The following RBPMS2 variants were observed in gnomAD, a reference collection of about 807,000 sequenced individuals.
RBPMS2 encodes the protein RNA-binding protein with multiple splicing 2.
RBPMS2 carries 14 observed loss-of-function variants against 25.7 expected under a neutral mutation model. That is an observed-to-expected ratio of 0.55 (90% CI 0.36 to 0.85). The LOEUF (loss-of-function observed/expected upper bound fraction) is 0.85, where lower values mean the gene tolerates loss of function less well. RBPMS2 is among the 40% of genes least tolerant of loss of function. The probability of loss-of-function intolerance (pLI) is 0.01; values close to 1 mark genes in which losing one functional copy is unlikely to be tolerated. For missense variants in RBPMS2, 252 were observed against 283.4 expected, an observed-to-expected ratio of 0.89 and a Z score of 0.80; for synonymous variants, 127 against 115.6, an observed-to-expected ratio of 1.10 and a Z score of -0.63.
intron 1 of RBPMS2, among the ~76,000 whole-genome samples, chr15:64,771,288 G>A (rs898724857): frequency 2.0e-5 from 3 of 152,192 alleles, no homozygotes; most frequent in South Asian, 2.1e-4. Flanking sequence ...ACCTCGTACC[G>A]TTTAGTTGTC....
chr15:64,767,331 G>A (rs984828830), intron 1 of RBPMS2, among the ~76,000 whole-genome samples: 16 of 152,174 alleles, frequency 1.1e-4, no homozygotes, highest in Admixed American at 7.2e-4. Flanking sequence ...TGCCAGAGGC[G>A]TGTGGATCCT....
chr15:64,765,662 T>C (rs1008430792), intron 1 of RBPMS2, among the ~76,000 whole-genome samples: 90 of 151,812 alleles, frequency 5.9e-4, no homozygotes, highest in African/African-American at 2.1e-3. Flanking sequence ...TCTTCAAAAA[T>C]GGGCCAGGCA....
intron 1 of RBPMS2, among the ~76,000 whole-genome samples, chr15:64,769,671 A>G (rs1056629611): frequency 6.6e-6 from 1 of 152,034 alleles, no homozygotes; most frequent in African/African-American, 2.4e-5. Context: ...AAAATAAATA[A>G]ATAAATAAAA....
chr15:64,751,684 C>A, intron 1 of RBPMS2, 46 bp from the exon 2 acceptor site: 1 of 1,516,842 alleles, frequency 6.6e-7, no homozygotes, highest in East Asian at 2.3e-5. Flanking sequence ...CCAAGACGGA[C>A]AGGGATGACA....
chr15:64,766,620 G>A (rs1390074662), intron 1 of RBPMS2, among the ~76,000 whole-genome samples: 1 of 151,840 alleles, frequency 6.6e-6, no homozygotes, highest in Admixed American at 6.6e-5. Flanking sequence ...CTGCCTCCCG[G>A]GTTCACGCCA....
At chr15:64,765,226 C>CAAAAAA (rs34231406) in intron 1 of RBPMS2, among the ~76,000 whole-genome samples, 2 of 50,904 alleles carry the variant, frequency 3.9e-5, no homozygotes, top group Non-Finnish European at 3.2e-5. Context: ...GACTCTGTCT[C>CAAAAAA]AAAAAAAAAA....
In RBPMS2 at chr15:64,751,557, T is replaced by G; in HGVS notation, c.165+4A>C. The G allele has an allele frequency of 6.2e-7, 1 of 1,613,684 alleles. No homozygotes were observed. Among genetic ancestry groups the G allele is most frequent in the Non-Finnish European group, 8.5e-7 (1 of 1,179,756 alleles). On this transcript the variant is annotated splice_donor_region_variant and intron_variant, in intron 2 of 7. Transcript: ENST00000300069. ...ACCCAGGGGGCGGCTGGGTCCTGAC[T>G]CACCTTGAACGGCCGGAAGAGCAAG...
At chr15:64,743,015 G>A (rs1403916662) in intron 6 of RBPMS2, among the ~76,000 whole-genome samples, 1 of 152,212 alleles carries the variant, frequency 6.6e-6, no homozygotes, top group Admixed American at 6.5e-5. Context: ...TTCCACAAGA[G>A]AGGGACACAC....
intron 1 of RBPMS2, among the ~76,000 whole-genome samples, chr15:64,754,256 G>T (rs1369229847): frequency 6.6e-6 from 1 of 152,126 alleles, no homozygotes; most frequent in Non-Finnish European, 1.5e-5. Context: ...AGGTTGTGGT[G>T]AGCCAAGATC....
intron 1 of RBPMS2, among the ~76,000 whole-genome samples, chr15:64,762,175 G>C (rs2083795135): frequency 6.6e-6 from 1 of 152,194 alleles, no homozygotes; most frequent in Admixed American, 6.5e-5. Context: ...TCTTGCAAAA[G>C]GTTGGGGTAG....
In RBPMS2 at chr15:64,748,299, A is replaced by G. The variant is rs1050877884; in HGVS notation, c.567+120T>C. The G allele has an allele frequency of 5.4e-6, 6 of 1,110,640 alleles. No individual in the cohort carries two copies. In the African/African-American group the frequency reaches 6.4e-5, roughly 12 times the overall value. 68.8% of individuals were successfully genotyped at this position (1,110,640 alleles called of 1,614,324 possible). ...CTGGGGTCTGGGCTTTCAAACCATC[A>G]AGGAAGACAAGAGTTCTGCTGCAGC... On this transcript the variant is annotated intron_variant, in intron 6 of 7. Coordinates refer to ENST00000300069, the MANE Select transcript of RBPMS2 (RefSeq NM_194272.3).
intron 3 of RBPMS2, 102 bp downstream of exon 3, chr15:64,750,236 TCTGTA>T: frequency 1.0e-6 from 1 of 980,174 alleles, no homozygotes; most frequent in South Asian, 1.3e-5. Flanking sequence ...GGAGCGCAAG[TCTGTA>T]CCGCCAGATG....
chr15:64,754,280 C>G (rs746732154), intron 1 of RBPMS2, among the ~76,000 whole-genome samples: 8 of 151,880 alleles, frequency 5.3e-5, no homozygotes, highest in Non-Finnish European at 7.4e-5. Context: ...CCACTGCACT[C>G]CAGCATGGGC....
intron 2 of RBPMS2, among the ~76,000 whole-genome samples, chr15:64,751,034 AAAACAAAAC>A (rs2083673411): frequency 6.8e-6 from 1 of 147,528 alleles, no homozygotes; most frequent in South Asian, 2.2e-4. Context: ...ACTCTGTCTC[AAAACAAAAC>A]AAACAAAAAG....
In RBPMS2 at chr15:64,764,784, G is replaced by C. The variant is rs189070654; in HGVS notation, c.87+10449C>G. Among the ~76,000 whole-genome samples the C allele has an allele frequency of 2.6e-4, 39 of 151,708 alleles. No homozygotes were observed. In the East Asian group the frequency reaches 3.9e-3, roughly 15 times the overall value. On this transcript the variant is annotated intron_variant, in intron 1 of 7. Transcript: ENST00000300069. ...TAAAAAAAAATTAGCCGGGCATGGT[G>C]GTGGGCGTCTGTAGTCCCAGCTACT...
intron 1 of RBPMS2, among the ~76,000 whole-genome samples, chr15:64,774,476 C>T (rs140524123): frequency 1.9e-3 from 286 of 152,256 alleles, no homozygotes; most frequent in Non-Finnish European, 3.0e-3. Flanking sequence ...ACGGAGCCGC[C>T]TTACACTCCC....
At chr15:64,760,351 T>C (rs2083772595) in intron 1 of RBPMS2, among the ~76,000 whole-genome samples, 1 of 152,158 alleles carries the variant, frequency 6.6e-6, no homozygotes, top group South Asian at 2.1e-4. Flanking sequence ...TGCTGAGGGA[T>C]CCAACTCTAA....
intron 1 of RBPMS2, among the ~76,000 whole-genome samples, chr15:64,754,006 C>T (rs1212261217): frequency 6.6e-6 from 1 of 152,100 alleles, no homozygotes; most frequent in African/African-American, 2.4e-5. Flanking sequence ...GGCAGCAGAC[C>T]TGGAACTCAA....
At chr15:64,774,225 G>A (rs773101272) in intron 1 of RBPMS2, among the ~76,000 whole-genome samples, 8 of 152,216 alleles carry the variant, frequency 5.3e-5, no homozygotes, top group African/African-American at 9.7e-5. Context: ...TGGATAACCA[G>A]CCCTTGGTTT....
Sources: gnomAD v4.1 joint callset for allele counts (sites outside exome capture counted in the v4.1 genomes callset) on GRCh38, gnomAD v4.1.1 for gene constraint, MANE v1.5 for transcripts, NCBI Gene and HGNC (gene_info 2026-07-23, HGNC 2026-07-21) for gene names.